The following RNF217 variants were observed in gnomAD, a reference collection of about 807,000 sequenced individuals.
The protein encoded by RNF217 is E3 ubiquitin-protein ligase RNF217.
In RNF217, 31 loss-of-function variants were observed where a neutral mutation model predicts 57.8. The observed-to-expected ratio is 0.54, with a 90% CI of 0.40 to 0.72. The LOEUF (loss-of-function observed/expected upper bound fraction) is 0.72. Ranked by LOEUF, RNF217 falls within the 30% of genes least tolerant of loss-of-function variation. RNF217 has a pLI of 0.00. For missense variants in RNF217, 696 were observed against 708.3 expected, an observed-to-expected ratio of 0.98 and a Z score of 0.20; for synonymous variants, 313 against 294.0, an observed-to-expected ratio of 1.06 and a Z score of -0.66.
intron 1 of RNF217, among the ~76,000 whole-genome samples, chr6:124,970,688 G>A (rs1482894576): frequency 6.6e-6 from 1 of 152,174 alleles, no homozygotes; most frequent in East Asian, 1.9e-4. Context: ...CACCTGTGGA[G>A]GGAGTGTCAG....
intron 4 of RNF217, among the ~76,000 whole-genome samples, chr6:125,079,439 A>T (rs1262440824): frequency 5.4e-5 from 7 of 128,984 alleles, no homozygotes; most frequent in Non-Finnish European, 8.0e-5. Context: ...ATACTCAATT[A>T]AAAAAAAAAA....
chr6:124,983,179 T>C (rs1784239872), intron 1 of RNF217, among the ~76,000 whole-genome samples: 1 of 152,198 alleles, frequency 6.6e-6, no homozygotes, highest in African/African-American at 2.4e-5. Context: ...TTATGTAAAA[T>C]CAATTTTTAT....
At chr6:125,017,624 TCTATAGGCCTTTAAG>T (rs1341079436) in intron 1 of RNF217, among the ~76,000 whole-genome samples, 5 of 152,226 alleles carry the variant, frequency 3.3e-5, no homozygotes. Context: ...GATTATCTGT[TCTATAGGCCTTTAAG>T]CTCAAGTCTT....
intron 1 of RNF217, among the ~76,000 whole-genome samples, chr6:124,988,397 C>T (rs1470622553): frequency 5.3e-5 from 8 of 152,164 alleles, no homozygotes; most frequent in Non-Finnish European, 1.0e-4. Flanking sequence ...CTGGCTAAGG[C>T]ACATCAGGAT....
chr6:125,013,351 A>G (rs73770795), intron 1 of RNF217, among the ~76,000 whole-genome samples: 2,703 of 141,378 alleles, frequency 0.019, 190 homozygotes, highest in African/African-American at 0.072. Context: ...TGTTTTGTGT[A>G]TGTGTGTGTG....
chr6:125,054,366 C>A lies in RNF217; in HGVS notation c.1117-3576C>A, dbSNP rs138755152. Among the ~76,000 whole-genome samples, 22 of 152,322 alleles carry A rather than the reference C, an allele frequency of 1.4e-4. No individual in the cohort carries two copies. The East Asian group carries it at 4.1e-3, about 28-fold the overall frequency. On this transcript the variant is annotated intron_variant, in intron 2 of 5. Transcript: ENST00000521654. Reference sequence around the variant, plus strand: ...GGGGAGCAGGAAGGGCAGGAAAATACTCTCTGCAGCTGCCCAGGCAGGCCT... The same window carrying A: ...GGGGAGCAGGAAGGGCAGGAAAATAATCTCTGCAGCTGCCCAGGCAGGCCT...
intron 3 of RNF217, among the ~76,000 whole-genome samples, chr6:125,065,313 C>T (rs1055005315): frequency 7.0e-6 from 1 of 143,576 alleles, no homozygotes; most frequent in African/African-American, 2.7e-5. Context: ...AAAAAAAAGT[C>T]ATGGAAATGT....
rs1177137603 is a variant in RNF217, at chr6:125,082,856, A to G, written c.1556-8A>G. 1.3e-6 allele frequency: 2 copies of G among 1,590,470 alleles called. No homozygotes were observed. The highest frequency in any genetic ancestry group is 8.6e-7 in the Non-Finnish European group (1 of 1,166,856). On this transcript the variant is annotated splice_region_variant and splice_polypyrimidine_tract_variant and intron_variant, in intron 5 of 5. Transcript: ENST00000521654. Reference sequence around the variant, plus strand: ...TCCTAACTAACTTTAATTTTTTCTTATCCCTAGGTTTATTTGTATTTCCTA... The same window carrying G: ...TCCTAACTAACTTTAATTTTTTCTTGTCCCTAGGTTTATTTGTATTTCCTA...
chr6:125,045,955 G>A (rs17722237), intron 2 of RNF217, among the ~76,000 whole-genome samples: 46,432 of 151,824 alleles, frequency 0.31, 7,848 homozygotes, highest in East Asian at 0.37. Context: ...AAAAAAAGTC[G>A]AAGATGGGAG....
intron 1 of RNF217, among the ~76,000 whole-genome samples, chr6:125,025,755 A>AGGAG (rs59977474): frequency 1.1e-4 from 9 of 79,036 alleles, no homozygotes; most frequent in South Asian, 1.0e-3. Flanking sequence ...GAGGAAGGGA[A>AGGAG]GGAGGGAGGG....
chr6:125,079,536 A>T (rs974502707), intron 4 of RNF217, among the ~76,000 whole-genome samples: 1 of 152,120 alleles, frequency 6.6e-6, no homozygotes, highest in African/African-American at 2.4e-5. Context: ...GCTGTCAGAG[A>T]AATGTAAATT....
chr6:124,979,370 A>G (rs1167377513), intron 1 of RNF217, among the ~76,000 whole-genome samples: 1 of 152,190 alleles, frequency 6.6e-6, no homozygotes, highest in Non-Finnish European at 1.5e-5. Flanking sequence ...TCTCTAAGTG[A>G]GCAAGCATGT....
intron 1 of RNF217, among the ~76,000 whole-genome samples, chr6:124,985,689 C>T (rs1374765232): frequency 6.6e-6 from 1 of 151,914 alleles, no homozygotes; most frequent in Non-Finnish European, 1.5e-5. Context: ...ATATATTGTT[C>T]AGAGAAATGT....
chr6:124,987,279 G>A (rs1784397606), intron 1 of RNF217, among the ~76,000 whole-genome samples: 1 of 151,980 alleles, frequency 6.6e-6, no homozygotes, highest in Non-Finnish European at 1.5e-5. Context: ...TTATTATTTT[G>A]TATATTCACA....
chr6:125,087,635 G>A lies in RNF217; in HGVS notation c.*4698G>A, dbSNP rs1485694253. The A allele has an allele frequency of 1.3e-5, 2 of 152,092 alleles. No individual in the cohort carries two copies. Among genetic ancestry groups the A allele is most frequent in the African/African-American group, 2.4e-5 (1 of 41,422 alleles). 9.4% of individuals were successfully genotyped at this position (152,092 alleles called of 1,614,324 possible). A position where few individuals can be genotyped will look rare whatever the true frequency, so the allele number is the denominator to read the frequency against. On this transcript the variant is annotated 3_prime_UTR_variant, in exon 6 of 6. Coordinates refer to ENST00000521654, the MANE Select transcript of RNF217 (RefSeq NM_001286398.3). ...GTAGGATAACAGTGTTAGCAAATAT[G>A]TGTCATCTCTTTAAATTTGGGAGGA... is the stretch of plus-strand genomic sequence containing the variant.
intron 3 of RNF217, among the ~76,000 whole-genome samples, chr6:125,071,126 G>A (rs549751944): frequency 9.2e-5 from 14 of 152,100 alleles, no homozygotes; most frequent in Non-Finnish European, 1.5e-4. Flanking sequence ...AACTTGAGGA[G>A]GACAGGTACT....
intron 1 of RNF217, among the ~76,000 whole-genome samples, chr6:124,986,713 T>C (rs1456267036): frequency 6.6e-6 from 1 of 152,152 alleles, no homozygotes; most frequent in Non-Finnish European, 1.5e-5. Context: ...TTAGGTTTTG[T>C]AGGCCAAGAG....
At chr6:124,972,722 C>T (rs753004074) in intron 1 of RNF217, among the ~76,000 whole-genome samples, 1 of 152,082 alleles carries the variant, frequency 6.6e-6, no homozygotes, top group African/African-American at 2.4e-5. Flanking sequence ...TCTCTTTGCC[C>T]CATTCACACC....
chr6:125,075,633 T>C (rs1222234868), intron 3 of RNF217, among the ~76,000 whole-genome samples: 1 of 152,156 alleles, frequency 6.6e-6, no homozygotes, highest in African/African-American at 2.4e-5. Context: ...ATTGTTACAA[T>C]TCAAGGTGAT....
Sources: allele counts gnomAD v4.1 joint callset (sites outside exome capture counted in the v4.1 genomes callset), GRCh38; gene constraint gnomAD v4.1.1; transcripts MANE v1.5; gene names NCBI Gene and HGNC (gene_info 2026-07-23, HGNC 2026-07-21).